The following PLXDC2 variants were observed in gnomAD, a reference collection of about 807,000 sequenced individuals.
The protein encoded by PLXDC2 is plexin domain-containing protein 2.
In PLXDC2, 40 loss-of-function variants were observed where a neutral mutation model predicts 68.9. The observed-to-expected ratio is 0.58, with a 90% confidence interval of 0.45 to 0.76. PLXDC2 has a LOEUF of 0.76. Ranked by LOEUF, PLXDC2 falls within the 30% of genes least tolerant of loss-of-function variation. The pLI, the probability that PLXDC2 is intolerant of heterozygous loss-of-function variation, is 0.00. For missense variants in PLXDC2, 644 were observed against 661.9 expected, an observed-to-expected ratio of 0.97 and a Z score of 0.30; for synonymous variants, 243 against 234.2, an observed-to-expected ratio of 1.04 and a Z score of -0.34.
chr10:19,826,456 A>C (rs1388000078), intron 1 of PLXDC2, among the ~76,000 whole-genome samples: 1 of 152,124 alleles, frequency 6.6e-6, no homozygotes, highest in African/African-American at 2.4e-5. Context: ...CAGGAGGGTC[A>C]TTTTAGTTTT....
chr10:20,253,110 A>G (rs531193204), intron 13 of PLXDC2, among the ~76,000 whole-genome samples: 6 of 152,072 alleles, frequency 3.9e-5, no homozygotes, highest in African/African-American at 7.2e-5. Flanking sequence ...CATGCCTGTA[A>G]TCCCAGAACA....
chr10:19,977,134 C>T (rs991266147), intron 1 of PLXDC2, among the ~76,000 whole-genome samples: 3 of 152,050 alleles, frequency 2.0e-5, no homozygotes, highest in South Asian at 2.1e-4. Flanking sequence ...TTGTGAAGTC[C>T]TTGGCTGTTT....
chr10:20,249,221 C>T (rs540340009), intron 13 of PLXDC2, among the ~76,000 whole-genome samples: 4 of 152,270 alleles, frequency 2.6e-5, no homozygotes, highest in African/African-American at 4.8e-5. Context: ...TTGACTGCCT[C>T]TTATGCAGTC....
intron 5 of PLXDC2, among the ~76,000 whole-genome samples, chr10:20,147,033 AC>A (rs1391289744): frequency 2.0e-5 from 3 of 152,182 alleles, no homozygotes; most frequent in Non-Finnish European, 4.4e-5. Flanking sequence ...AAGAGAGTAC[AC>A]AATGTCAGTT....
chr10:19,862,406 G>A (rs1029250103), intron 1 of PLXDC2, among the ~76,000 whole-genome samples: 1 of 152,024 alleles, frequency 6.6e-6, no homozygotes, highest in Non-Finnish European at 1.5e-5. Context: ...AATTTATTAA[G>A]TGCTCACTAT....
chr10:20,052,694 A>G (rs534100781), intron 3 of PLXDC2, among the ~76,000 whole-genome samples: 2 of 150,080 alleles, frequency 1.3e-5, no homozygotes, highest in East Asian at 3.9e-4. Context: ...TGCATGCCCA[A>G]GAATATATAT....
intron 7 of PLXDC2, among the ~76,000 whole-genome samples, chr10:20,168,792 GTA>G (rs1834408578): frequency 2.6e-5 from 4 of 152,048 alleles, no homozygotes; most frequent in Admixed American, 2.6e-4. Flanking sequence ...ATAATTCTGA[GTA>G]ATTTATAAAT....
chr10:20,044,227 T>TTCTC (rs1835747812), intron 2 of PLXDC2, among the ~76,000 whole-genome samples: 1 of 50,170 alleles, frequency 2.0e-5, no homozygotes, highest in South Asian at 6.3e-4. Flanking sequence ...CTTTCTTTCT[T>TTCTC]TCTTTCTTTC....
intron 1 of PLXDC2, among the ~76,000 whole-genome samples, chr10:19,856,273 T>A (rs1242833022): frequency 6.6e-6 from 1 of 152,116 alleles, no homozygotes; most frequent in Non-Finnish European, 1.5e-5. Context: ...TTTTTCTATT[T>A]TTTTGCTTTT....
rs1029442720 is a variant in PLXDC2 at position 19,816,707 on chromosome 10, C to G, written c.-373C>G. 5 of 364,272 alleles carry G rather than the reference C, an allele frequency of 1.4e-5. No homozygotes were observed. Among genetic ancestry groups the G allele is most frequent in the African/African-American group, 8.3e-5 (4 of 48,278 alleles). 22.6% of individuals were successfully genotyped at this position (364,272 alleles called of 1,614,324 possible). On this transcript the variant is annotated 5_prime_UTR_variant, in exon 1 of 14. Transcript: ENST00000377252. ...TAGATCTGTTTTGAACCCAGTGGAGCGCATCGCTGGGGCTCGGAAGTCACC... is the reference window on the plus strand; with the variant it reads ...TAGATCTGTTTTGAACCCAGTGGAGGGCATCGCTGGGGCTCGGAAGTCACC...
At chr10:19,844,196 C>T (rs550009798) in intron 1 of PLXDC2, among the ~76,000 whole-genome samples, 14 of 152,254 alleles carry the variant, frequency 9.2e-5, no homozygotes, top group African/African-American at 3.1e-4. Flanking sequence ...TTTGACGTGA[C>T]TGTGAAGAGC....
chr10:20,049,764 A>G (rs979653313), intron 3 of PLXDC2, among the ~76,000 whole-genome samples: 2 of 152,198 alleles, frequency 1.3e-5, no homozygotes, highest in African/African-American at 4.8e-5. Flanking sequence ...AAGAATCAAT[A>G]TCATTAAAAT....
intron 1 of PLXDC2, among the ~76,000 whole-genome samples, chr10:19,914,086 G>A (rs1189149959): frequency 3.3e-5 from 5 of 150,094 alleles, no homozygotes; most frequent in African/African-American, 1.2e-4. Context: ...AGGGAAGGAG[G>A]AAAGAAGGGA....
At chr10:19,948,434 C>A (rs1250376356) in intron 1 of PLXDC2, among the ~76,000 whole-genome samples, 1 of 145,738 alleles carries the variant, frequency 6.9e-6, no homozygotes, top group African/African-American at 2.5e-5. Context: ...GTAGTGCTCT[C>A]AGTTAAGAAT....
chr10:20,272,961 A>G (rs1835958022), intron 13 of PLXDC2, among the ~76,000 whole-genome samples: 2 of 152,346 alleles, frequency 1.3e-5, no homozygotes, highest in African/African-American at 4.8e-5. Flanking sequence ...TCATTTAGAG[A>G]ATAAAAGTTA....
intron 1 of PLXDC2, among the ~76,000 whole-genome samples, 185 bp from the exon 2 acceptor site, chr10:20,001,590 C>A (rs1834939141): frequency 6.6e-6 from 1 of 152,172 alleles, no homozygotes; most frequent in South Asian, 2.1e-4. Flanking sequence ...GTGTTTCCTG[C>A]AATTGCATTC....
intron 1 of PLXDC2, among the ~76,000 whole-genome samples, chr10:19,845,467 A>T (rs139197890): frequency 1.3e-5 from 2 of 152,164 alleles, no homozygotes; most frequent in East Asian, 1.9e-4. Flanking sequence ...CTAGCGGGAA[A>T]CCCTTCTCCC....
At chr10:20,272,114 C>T (rs1049870168) in intron 13 of PLXDC2, among the ~76,000 whole-genome samples, 4 of 151,932 alleles carry the variant, frequency 2.6e-5, no homozygotes, top group African/African-American at 7.3e-5. Context: ...AGGGGAAGGG[C>T]CCTTTTTCAG....
At chr10:19,964,510 A>G (rs936475720) in intron 1 of PLXDC2, among the ~76,000 whole-genome samples, 8 of 152,218 alleles carry the variant, frequency 5.3e-5, no homozygotes, top group Non-Finnish European at 1.2e-4. Context: ...CACTGAAAGG[A>G]GTTAAAAACA....
Sources: allele counts gnomAD v4.1 joint callset (sites outside exome capture counted in the v4.1 genomes callset), GRCh38; gene constraint gnomAD v4.1.1; transcripts MANE v1.5; gene names NCBI Gene and HGNC (gene_info 2026-07-23, HGNC 2026-07-21).